The following FST variants were observed in gnomAD, a reference collection of about 807,000 sequenced individuals.
FST encodes the protein activin-binding protein.
A neutral mutation model predicts 38.4 loss-of-function variants in FST; 6 were observed. That is an observed-to-expected ratio of 0.16 (90% CI 0.09 to 0.31). FST has a LOEUF of 0.31. FST is among the 10% of genes least tolerant of loss of function. The pLI is 1.00. For missense variants in FST, 301 were observed against 432.3 expected, an observed-to-expected ratio of 0.70 and a Z score of 2.69; for synonymous variants, 157 against 169.8, an observed-to-expected ratio of 0.92 and a Z score of 0.59.
At position 53,482,916 on chromosome 5, in the gene FST, G is replaced by A. The variant is rs1241216616; in HGVS notation, c.122G>A (p.Arg41His). Residue 41 changes from arginine (R) to histidine (H), a missense_variant, in exon 2 of 6, where the codon CGC (arginine) becomes CAC (histidine). By Grantham distance (29) the Arg-to-His change is conservative (BLOSUM62 0). Coordinates refer to ENST00000256759, the MANE Select transcript of FST (RefSeq NM_013409.3). ...NCWLRQAKNG[R>H]CQVLYKTELS... Reference sequence around the variant, plus strand: ...TGGCTCCGTCAAGCGAAGAACGGCCGCTGCCAGGTCCTGTACAAGACCGAA... The same window carrying A: ...TGGCTCCGTCAAGCGAAGAACGGCCACTGCCAGGTCCTGTACAAGACCGAA... The A allele has an allele frequency of 1.2e-6, 2 of 1,610,474 alleles. No individual in the cohort carries two copies. The highest frequency in any genetic ancestry group is 1.3e-5 in the African/African-American group (1 of 74,780).
intron 4 of FST, 38 bp downstream of exon 4, chr5:53,484,331 A>G: frequency 6.3e-7 from 1 of 1,594,974 alleles, no homozygotes. Context: ...AAGAGAAAAC[A>G]GGCTAGTTCT....
intron 1 of FST, among the ~76,000 whole-genome samples, chr5:53,481,483 A>AAAAAAAAAAAAAC (rs1747207753): frequency 6.8e-6 from 1 of 146,878 alleles, no homozygotes; most frequent in Non-Finnish European, 1.5e-5. Context: ...AAAAAAAAAA[A>AAAAAAAAAAAAAC]AAAGCCAAAT....
Position 53,484,186 on chromosome 5 carries a change from A to C in FST, c.614A>C (p.Tyr205Ser), listed in dbSNP as rs762928441. 1.9e-6 allele frequency: 3 copies of C among 1,613,290 alleles called. No individual in the cohort carries two copies. The highest frequency in any genetic ancestry group is 2.5e-6 in the Non-Finnish European group (3 of 1,179,230). The change falls in exon 4 of 6, where the codon TAT (tyrosine) becomes TCT (serine). Residue 205 changes from tyrosine to serine, a missense_variant. Coordinates refer to ENST00000256759, the MANE Select transcript of FST (RefSeq NM_013409.3). ...CCAGAGCCTGCTTCCTCTGAGCAATATCTCTGTGGGAATGATGGAGTCACC... is the reference window on the plus strand; with the variant it reads ...CCAGAGCCTGCTTCCTCTGAGCAATCTCTCTGTGGGAATGATGGAGTCACC... The part of the protein sequence containing the change: ...ICPEPASSEQ[Y>S]LCGNDGVTYS...
Position 53,484,142 on chromosome 5 carries a change from G to A in FST, c.570G>A (p.Val190=), listed in dbSNP as rs1747405820. ...VVDQTNNAYC[V]TCNRICPEPA... ...ACCAGACCAATAATGCCTACTGTGT[G>A]ACCTGTAATCGGATTTGCCCAGAGC... Residue 190 remains valine (V), a synonymous_variant, in exon 4 of 6, where the codon GTG becomes GTA. Coordinates refer to ENST00000256759, the MANE Select transcript of FST (RefSeq NM_013409.3). The A allele has an allele frequency of 6.8e-6, 11 of 1,610,606 alleles. No homozygotes were observed. Among genetic ancestry groups the A allele is most frequent in the Non-Finnish European group, 8.5e-6 (10 of 1,176,878 alleles).
rs768975703 is a variant in FST, at chr5:53,482,977, G to T, written c.183G>T (p.Leu61=). The stretch of plus-strand genomic sequence containing the variant: ...AGGAGTGCTGCAGCACCGGCCGGCT[G>T]AGCACCTCGTGGACCGAGGAGGACG... ...SKEECCSTGR[L]STSWTEEDVN... The change falls in exon 2 of 6, where the codon CTG becomes CTT. Residue 61 remains leucine, a synonymous_variant. Coordinates refer to ENST00000256759, the MANE Select transcript of FST (RefSeq NM_013409.3). 1 of 1,613,424 alleles carries T rather than the reference G, an allele frequency of 6.2e-7. No individual in the cohort carries two copies.
At chr5:53,481,459 T>C (rs77099620) in intron 1 of FST, among the ~76,000 whole-genome samples, 4,002 of 16,858 alleles carry the variant, frequency 0.24, 217 homozygotes, top group African/African-American at 0.48. Context: ...TCCCCCATTC[T>C]CGCAAAAAAA....
rs1475157911 is a variant in FST, at chr5:53,482,933, A to C, written c.139A>C (p.Lys47Gln). 1.2e-6 allele frequency: 2 copies of C among 1,613,560 alleles called. No individual in the cohort carries two copies. The highest frequency in any genetic ancestry group is 2.7e-5 in the African/African-American group (2 of 74,902). Residue 47 changes from lysine (K) to glutamine (Q), a missense_variant, in exon 2 of 6, where the codon AAG becomes CAG. By Grantham distance (53) the Lys-to-Gln change is moderately conservative (BLOSUM62 1). Coordinates refer to ENST00000256759, the MANE Select transcript of FST (RefSeq NM_013409.3). ...GAACGGCCGCTGCCAGGTCCTGTAC[A>C]AGACCGAACTGAGCAAGGAGGAGTG... ...AKNGRCQVLYKTELSKEECCS... is the reference protein window; with the variant it reads ...AKNGRCQVLYQTELSKEECCS...
intron 5 of FST, chr5:53,485,638 C>G (rs1198422552): frequency 6.8e-6 from 8 of 1,169,360 alleles, no homozygotes; most frequent in Non-Finnish European, 1.0e-5. Context: ...AATTAAGGAC[C>G]CAAAGCAGTT....
In FST at chr5:53,483,587, G is replaced by A. The variant is rs749648144; in HGVS notation, c.361G>A (p.Asp121Asn). The A allele has an allele frequency of 6.2e-7, 1 of 1,614,238 alleles. No individual in the cohort carries two copies. The highest frequency in any genetic ancestry group is 1.3e-5 in the African/African-American group (1 of 75,072). ...CAAACCCCGCTGCGTCTGCGCCCCG[G>A]ATTGTTCCAACATCACCTGGAAGGG... ...KNKPRCVCAP[D>N]CSNITWKGPV... Residue 121 changes from aspartate to asparagine, a missense_variant, in exon 3 of 6, where the codon GAT becomes AAT. By Grantham distance (23) the Asp-to-Asn change is conservative (BLOSUM62 1). Coordinates refer to ENST00000256759, the MANE Select transcript of FST (RefSeq NM_013409.3). This position sits in a 1 kb window ranked among gnomAD's most constrained non-coding sequence, Gnocchi z 4.1.
Position 53,486,088 on chromosome 5 carries a change from A to AAAAAAG in FST, c.*67_*72dup. ...GCCTTTGTGCAAAAAAAAAAAAAAA[A>AAAAAAG]AAAAAGAAAAAGAAAAAAAGAAAAA... On this transcript the variant is annotated 3_prime_UTR_variant, in exon 6 of 6. Transcript: ENST00000256759. 18 of 904,722 alleles carry AAAAAAG rather than the reference A, an allele frequency of 2.0e-5. No homozygotes were observed. The highest frequency in any genetic ancestry group is 6.8e-5 in the South Asian group (4 of 59,024). The allele number at this position is 904,722 out of a possible 1,614,324, so 56.0% of individuals were successfully genotyped here.
intron 5 of FST, chr5:53,485,618 A>G (rs1643553471): frequency 3.2e-6 from 3 of 951,140 alleles, no homozygotes; most frequent in South Asian, 1.3e-5. Flanking sequence ...AGTTGCCTCT[A>G]CTAACTCTGA....
chr5:53,482,078 C>G (rs1305397680), intron 1 of FST, among the ~76,000 whole-genome samples: 2 of 152,240 alleles, frequency 1.3e-5, no homozygotes, highest in African/African-American at 4.8e-5. Context: ...GCGGTGGCCG[C>G]GGGCGTGCTC....
chr5:53,486,149 T>A lies in FST; in HGVS notation c.*116T>A. 1 of 569,192 alleles carries A rather than the reference T, an allele frequency of 1.8e-6. No homozygotes were observed. The highest frequency in any genetic ancestry group is 3.0e-6 in the Non-Finnish European group (1 of 332,582). 35.3% of individuals were successfully genotyped at this position (569,192 alleles called of 1,614,324 possible). A position where few individuals can be genotyped will look rare whatever the true frequency, so the allele number is the denominator to read the frequency against. On this transcript the variant is annotated 3_prime_UTR_variant, in exon 6 of 6. Transcript: ENST00000256759. ...ATACTGTAAATAAGTGTATGCTTAT[T>A]TATTTGGGGGGAAAACTATACATTA...
Position 53,485,181 on chromosome 5 carries a change from C to T in FST, c.906C>T (p.Cys302=), listed in dbSNP as rs781168844. The T allele has an allele frequency of 5.0e-5, 81 of 1,612,146 alleles. No homozygotes were observed. Among genetic ancestry groups the T allele is most frequent in the Non-Finnish European group, 6.5e-5 (77 of 1,178,340 alleles). The change falls in exon 5 of 6, where the codon TGC becomes TGT. Residue 302 remains cysteine, a synonymous_variant. Coordinates refer to ENST00000256759, the MANE Select transcript of FST (RefSeq NM_013409.3). ...ASECAMKEAA[C]SSGVLLEVKH... ...AGTGTGCCATGAAGGAAGCTGCCTG[C>T]TCCTCAGGTGTGCTACTGGAAGTAA...
chr5:53,482,239 C>T (rs1422779580), intron 1 of FST, among the ~76,000 whole-genome samples: 3 of 151,790 alleles, frequency 2.0e-5, no homozygotes, highest in Non-Finnish European at 4.4e-5. Context: ...TCTTTCTTTT[C>T]TTTCTTCCTC....
intron 4 of FST, 98 bp from the exon 5 acceptor site, chr5:53,484,899 T>A: frequency 1.6e-6 from 1 of 642,278 alleles, no homozygotes. Context: ...TTATATAAAA[T>A]AAATTATGTT....
Position 53,480,763 on chromosome 5 carries a change from G to C in FST, c.-29G>C, listed in dbSNP as rs749580765. 43 of 1,218,124 alleles carry C rather than the reference G, an allele frequency of 3.5e-5. No individual in the cohort carries two copies. Among genetic ancestry groups the C allele is most frequent in the South Asian group, 2.0e-4 (11 of 54,064 alleles). 75.5% of individuals were successfully genotyped at this position (1,218,124 alleles called of 1,614,324 possible). ...CGCCGCGCCGGCTCCCCGCGCCGCTGCGCTCCTCGCCCCGCGCCTGCCCCC... is the reference window on the plus strand; with the variant it reads ...CGCCGCGCCGGCTCCCCGCGCCGCTCCGCTCCTCGCCCCGCGCCTGCCCCC... On this transcript the variant is annotated 5_prime_UTR_variant, in exon 1 of 6. Transcript: ENST00000256759.
intron 1 of FST, 92 bp downstream of exon 1, chr5:53,480,968 T>C (rs907849479): frequency 9.3e-6 from 5 of 537,782 alleles, no homozygotes; most frequent in African/African-American, 5.9e-5. Context: ...TGAGCAACGC[T>C]GCTCTCGGAA....
At chr5:53,485,716 T>G (rs1225593494) in intron 5 of FST, 1 of 1,612,560 alleles carries the variant, frequency 6.2e-7, no homozygotes, top group Admixed American at 1.7e-5. Flanking sequence ...GAGCCATTGA[T>G]TCTTCAGAAC....
Sources: gnomAD v4.1 joint callset for allele counts (sites outside exome capture counted in the v4.1 genomes callset) on GRCh38, gnomAD v4.1.1 for gene constraint, Gnocchi (gnomAD v3.1) non-coding constraint, MANE v1.5 for transcripts, NCBI Gene and HGNC (gene_info 2026-07-23, HGNC 2026-07-21) for gene names.